KCNMA1: variants seen among roughly 807,000 people sequenced by gnomAD.
KCNMA1 encodes Calcium-activated potassium channel subunit alpha-1.
In KCNMA1, 29 loss-of-function variants were observed where a neutral mutation model predicts 140.0. That is an observed-to-expected ratio of 0.21 (90% CI 0.15 to 0.28). KCNMA1 has a LOEUF of 0.28. KCNMA1 is among the 10% of genes least tolerant of loss of function. The pLI is 1.00. For missense variants in KCNMA1, 880 were observed against 1,602.2 expected, an observed-to-expected ratio of 0.55 and a Z score of 7.70; for synonymous variants, 612 against 611.9, an observed-to-expected ratio of 1.00 and a Z score of 0.00.
chr10:77,083,922 G>T (rs1365578726), intron 12 of KCNMA1, among the ~76,000 whole-genome samples: 1 of 152,016 alleles, frequency 6.6e-6, no homozygotes, highest in Non-Finnish European at 1.5e-5. Flanking sequence ...TCTATAGTAC[G>T]TTATCTCAGA....
intron 1 of KCNMA1, among the ~76,000 whole-genome samples, chr10:77,522,540 T>G (rs1317766704): frequency 6.6e-6 from 1 of 152,210 alleles, no homozygotes; most frequent in East Asian, 1.9e-4. Context: ...TCCCTGCTCC[T>G]AGCAACAGCC....
chr10:77,041,934 C>G (rs530730756), intron 14 of KCNMA1, among the ~76,000 whole-genome samples: 1 of 152,198 alleles, frequency 6.6e-6, no homozygotes, highest in African/African-American at 2.4e-5. Flanking sequence ...GGCACACCTA[C>G]CATCTACTTG....
chr10:77,103,881 C>A (rs1297244899), intron 9 of KCNMA1, among the ~76,000 whole-genome samples: 1 of 152,196 alleles, frequency 6.6e-6, no homozygotes. Flanking sequence ...CCTTTCTCTT[C>A]CTCTCCATCA....
intron 15 of KCNMA1, among the ~76,000 whole-genome samples, chr10:77,032,054 A>T (rs2093973569): frequency 6.6e-6 from 1 of 152,216 alleles, no homozygotes; most frequent in Admixed American, 6.5e-5. Flanking sequence ...GGAAGGATAC[A>T]GAAGGAAATA....
chr10:77,243,598 T>C (rs7910921), intron 3 of KCNMA1, among the ~76,000 whole-genome samples: 9,549 of 152,278 alleles, frequency 0.063, 748 homozygotes, highest in East Asian at 0.22. Flanking sequence ...TTCATCCTAA[T>C]TTTGGAAGGC....
chr10:76,884,776 G>A (rs1373104852), downstream of KCNMA1: 3 of 600,296 alleles, frequency 5.0e-6, no homozygotes, highest in African/African-American at 5.9e-5. Context: ...GAAGAAGGAA[G>A]GGAAAAGGAG....
intron 5 of KCNMA1, among the ~76,000 whole-genome samples, chr10:77,171,634 G>C (rs892719935): frequency 9.2e-5 from 14 of 152,042 alleles, no homozygotes; most frequent in African/African-American, 3.4e-4. Flanking sequence ...AGAGTTCCTG[G>C]GTGATTCTAA....
intron 3 of KCNMA1, among the ~76,000 whole-genome samples, chr10:77,234,524 G>C (rs1418460024): frequency 6.6e-6 from 1 of 152,126 alleles, no homozygotes; most frequent in African/African-American, 2.4e-5. Flanking sequence ...TTCTAAACAA[G>C]AGCTAAATCA....
At chr10:77,525,233 T>A (rs1733077443) in intron 1 of KCNMA1, among the ~76,000 whole-genome samples, 1 of 152,160 alleles carries the variant, frequency 6.6e-6, no homozygotes, top group Non-Finnish European at 1.5e-5. Flanking sequence ...CTGTTGTAAG[T>A]CCTTGGAATC....
intron 25 of KCNMA1, among the ~76,000 whole-genome samples, chr10:76,899,600 A>G (rs183646326): frequency 2.6e-5 from 4 of 152,248 alleles, no homozygotes; most frequent in African/African-American, 9.6e-5. Flanking sequence ...AGTAGTTGTG[A>G]CAGAGACTAT....
At chr10:76,957,632 A>G (rs2068921692) in intron 20 of KCNMA1, among the ~76,000 whole-genome samples, 1 of 152,214 alleles carries the variant, frequency 6.6e-6, no homozygotes, top group South Asian at 2.1e-4. Flanking sequence ...AAGATCCTGA[A>G]GGTTTGAAGC....
At position 77,506,916 on chromosome 10, in the gene KCNMA1, G is replaced by A. The variant is rs80189157; in HGVS notation, c.379-102893C>T. 7.2e-4 allele frequency among the ~76,000 whole-genome samples: 109 copies of A among 151,736 alleles called. No homozygotes were observed. In the East Asian group the frequency reaches 0.016, roughly 22 times the overall value. ...GAGCTTTGAAATATGAAGAGAGAGA[G>A]TAAAAGACAGATGTTCCTATGAAGC... On this transcript the variant is annotated intron_variant, in intron 1 of 27. Transcript: ENST00000286628.
chr10:76,967,255 C>T (rs1394081974), intron 20 of KCNMA1, among the ~76,000 whole-genome samples: 8 of 152,184 alleles, frequency 5.3e-5, no homozygotes, highest in African/African-American at 9.7e-5. Flanking sequence ...GTCACAAACT[C>T]ATGTCGAAAA....
rs1337390517 is a variant in KCNMA1 at position 77,110,153 on chromosome 10, T to C, written c.1131+20A>G. 7 of 1,603,394 alleles carry C rather than the reference T, an allele frequency of 4.4e-6. No homozygotes were observed. In the African/African-American group the frequency reaches 5.4e-5, roughly 12 times the overall value. ...TTAACAGCCATCAAAATCAACATCA[T>C]AATAAAGATTTTTTTTTACCAGTCC... is the stretch of plus-strand genomic sequence containing the variant. On this transcript the variant is annotated intron_variant, in intron 8 of 27. Transcript: ENST00000286628.
chr10:77,572,867 G>A lies in KCNMA1; in HGVS notation c.378+64398C>T, dbSNP rs929688752. Among the ~76,000 whole-genome samples, 5 of 151,598 alleles carry A rather than the reference G, an allele frequency of 3.3e-5. No individual in the cohort carries two copies. In the East Asian group the frequency reaches 5.8e-4, roughly 18 times the overall value. On this transcript the variant is annotated intron_variant, in intron 1 of 27. Transcript: ENST00000286628. ...TGTGTTTTAGAATTCCAATTGTTTC[G>A]GGTTTTAGGAAATTATTAAGGTGAA...
chr10:77,577,481 G>A (rs2074551865), intron 1 of KCNMA1, among the ~76,000 whole-genome samples: 1 of 152,106 alleles, frequency 6.6e-6, no homozygotes, highest in African/African-American at 2.4e-5. Context: ...AGGTTTCTAT[G>A]CAAGATGGTC....
At chr10:77,378,895 T>G (rs1370816462) in intron 2 of KCNMA1, among the ~76,000 whole-genome samples, 9 of 152,202 alleles carry the variant, frequency 5.9e-5, no homozygotes. Context: ...TTGTGTAATA[T>G]TGTAAATGAC....
At chr10:77,081,501 C>T (rs759513253) in intron 12 of KCNMA1, among the ~76,000 whole-genome samples, 1 of 152,104 alleles carries the variant, frequency 6.6e-6, no homozygotes, top group Non-Finnish European at 1.5e-5. Context: ...TTATGACCAC[C>T]CCCACAAACT....
chr10:77,247,501 T>C (rs752594241), intron 3 of KCNMA1, among the ~76,000 whole-genome samples: 4 of 152,178 alleles, frequency 2.6e-5, no homozygotes, highest in Non-Finnish European at 5.9e-5. Flanking sequence ...CTTGACTTGG[T>C]TGTACAATTT....
Sources: gnomAD v4.1 joint callset for allele counts (sites outside exome capture counted in the v4.1 genomes callset) on GRCh38, gnomAD v4.1.1 for gene constraint, MANE v1.5 for transcripts, NCBI Gene and HGNC (gene_info 2026-07-23, HGNC 2026-07-21) for gene names.